The following QPCTL variants were observed in gnomAD, a reference collection of about 807,000 sequenced individuals.
QPCTL encodes glutaminyl-peptide cyclotransferase-like protein.
In QPCTL, 31 loss-of-function variants were observed where a neutral mutation model predicts 34.6. That is an observed-to-expected ratio of 0.90 (90% CI 0.67 to 1.21). The LOEUF is 1.21. QPCTL is among the 50% of genes most tolerant of loss of function. The pLI, the probability that QPCTL is intolerant of heterozygous loss-of-function variation, is 0.00. For synonymous variants in QPCTL, 223 were observed against 226.9 expected, an observed-to-expected ratio of 0.98 and a Z score of 0.15; for missense variants, 474 against 507.8, an observed-to-expected ratio of 0.93 and a Z score of 0.64.
rs140632651 is a variant in QPCTL at position 45,701,907 on chromosome 19, C to T, written c.996C>T (p.Leu332=). Residue 332 remains leucine, a synonymous_variant, in exon 6 of 7, where the codon CTC becomes CTT. Transcript: ENST00000012049. ...TGGAAGACGACCACATCCCCTTCCT[C>T]CGCAGAGGTACCAGCTGCAGGGAGG... ...GSVEDDHIPF[L]RRGVPVLHLI... is the part of the protein sequence containing the mutation. The T allele has an allele frequency of 2.5e-6, 4 of 1,610,216 alleles. No homozygotes were observed. In the African/African-American group the frequency reaches 5.3e-5, roughly 22 times the overall value.
In QPCTL at chr19:45,701,865, G is replaced by A; in HGVS notation, c.954G>A (p.Gly318=). The part of the protein sequence containing the change: ...HPQEVMYFQP[G]EPFGSVEDDH... ...AGGAAGTGATGTACTTCCAACCCGG[G>A]GAGCCCTTTGGCTCTGTGGAAGACG... Residue 318 remains glycine, a synonymous_variant, in exon 6 of 7, where the codon GGG becomes GGA. Coordinates refer to ENST00000012049, the MANE Select transcript of QPCTL (RefSeq NM_017659.4). The A allele has an allele frequency of 6.2e-7, 1 of 1,614,026 alleles. No homozygotes were observed. Among genetic ancestry groups the A allele is most frequent in the Non-Finnish European group, 8.5e-7 (1 of 1,179,966 alleles).
chr19:45,700,735 C>T (rs887947213), intron 5 of QPCTL, among the ~76,000 whole-genome samples: 3 of 151,304 alleles, frequency 2.0e-5, no homozygotes, highest in Non-Finnish European at 2.9e-5. Context: ...CCGAGGTGGG[C>T]GAATCACAAG....
At chr19:45,693,349 G>C in intron 1 of QPCTL, 64 bp from the exon 2 acceptor site, 1 of 1,536,676 alleles carries the variant, frequency 6.5e-7, no homozygotes, top group Non-Finnish European at 8.8e-7. Context: ...ACGGCGCCCG[G>C]GGTAGGGTTG....
At position 45,692,757 on chromosome 19, in the gene QPCTL, C is replaced by T. The variant is rs751330762; in HGVS notation, c.54C>T (p.Leu18=). Residue 18 remains leucine, a synonymous_variant, in exon 1 of 7, where the codon CTC becomes CTT. Coordinates refer to ENST00000012049, the MANE Select transcript of QPCTL (RefSeq NM_017659.4). ...RPRLRLGERG[L]MEPLLPPKRR... is the part of the protein sequence containing the mutation. ...GCCTGCGGCTGGGGGAACGTGGCCTCATGGAGCCACTCTTGCCGCCGAAGC... is the reference window on the plus strand; with the variant it reads ...GCCTGCGGCTGGGGGAACGTGGCCTTATGGAGCCACTCTTGCCGCCGAAGC... 9 of 1,586,496 alleles carry T rather than the reference C, an allele frequency of 5.7e-6. No individual in the cohort carries two copies. The highest frequency in any genetic ancestry group is 1.3e-5 in the African/African-American group (1 of 74,316).
In QPCTL at chr19:45,703,116, C is replaced by T; in HGVS notation, c.*67C>T. ...GGTCCCAGCGGGGGCCAGTGAAGCT[C>T]AGGCAGGATCTGCCTAGGGTGTGCT... On this transcript the variant is annotated 3_prime_UTR_variant, in exon 7 of 7. Transcript: ENST00000012049. 2 of 1,586,642 alleles carry T rather than the reference C, an allele frequency of 1.3e-6. No homozygotes were observed. The highest frequency in any genetic ancestry group is 4.5e-5 in the East Asian group (2 of 44,614).
At chr19:45,700,099 CA>C (rs1156596687) in intron 5 of QPCTL, among the ~76,000 whole-genome samples, 2 of 147,166 alleles carry the variant, frequency 1.4e-5, no homozygotes, top group African/African-American at 2.5e-5. Context: ...GACTCTGTCT[CA>C]AAAAAAAGTA....
At chr19:45,696,201 A>ACT (rs2146126506) in intron 3 of QPCTL, among the ~76,000 whole-genome samples, 1 of 149,424 alleles carries the variant, frequency 6.7e-6, no homozygotes, top group East Asian at 2.0e-4. Flanking sequence ...CCTCTTGCTC[A>ACT]CTCTGCTGTA....
chr19:45,701,529 G>A (rs1967810920), intron 5 of QPCTL, among the ~76,000 whole-genome samples: 1 of 152,122 alleles, frequency 6.6e-6, no homozygotes, highest in African/African-American at 2.4e-5. Context: ...ACCTGCCTTG[G>A]TCTCCCTAAG....
At chr19:45,697,503 CCT>C in intron 3 of QPCTL, among the ~76,000 whole-genome samples, 1 of 152,172 alleles carries the variant, frequency 6.6e-6, no homozygotes, top group Admixed American at 6.5e-5. Context: ...CTGCTTAACC[CCT>C]CTCTGTGCCT....
intron 1 of QPCTL, 136 bp downstream of exon 1, chr19:45,693,046 C>A: frequency 3.1e-6 from 3 of 972,998 alleles, no homozygotes; most frequent in Non-Finnish European, 4.4e-6. Flanking sequence ...ATGACCCTTA[C>A]CAAAGGAATA....
intron 5 of QPCTL, among the ~76,000 whole-genome samples, chr19:45,700,093 C>G (rs1967781308): frequency 6.6e-6 from 1 of 151,396 alleles, no homozygotes; most frequent in South Asian, 2.1e-4. Flanking sequence ...GAGTGAGACT[C>G]TGTCTCAAAA....
rs1967747305 is a variant in QPCTL at position 45,698,574 on chromosome 19, T to C, written c.661T>C (p.Phe221Leu). The change falls in exon 4 of 7, where the codon TTC becomes CTC. Residue 221 changes from phenylalanine to leucine, a missense_variant. Phe to Leu is a conservative substitution (Grantham distance 22, BLOSUM62 0). Transcript: ENST00000012049. ...AGCCCCGGTGACCCTGCAACTGCTC[T>C]TCTTGGATGGTGAAGAGGCGCTGAA... ...QAAPVTLQLL[F>L]LDGEEALKEW... 6.2e-7 allele frequency: 1 copy of C among 1,614,116 alleles called. No individual in the cohort carries two copies. The highest frequency in any genetic ancestry group is 8.5e-7 in the Non-Finnish European group (1 of 1,180,008).
intron 3 of QPCTL, among the ~76,000 whole-genome samples, chr19:45,697,949 A>G (rs1207605183): frequency 6.6e-6 from 1 of 152,196 alleles, no homozygotes; most frequent in African/African-American, 2.4e-5. Flanking sequence ...ACCCTTTGAA[A>G]AGAACTGTTA....
intron 5 of QPCTL, among the ~76,000 whole-genome samples, 177 bp from the exon 6 acceptor site, chr19:45,701,619 CTG>C (rs1179545383): frequency 1.3e-5 from 2 of 152,114 alleles, no homozygotes; most frequent in African/African-American, 4.8e-5. Context: ...GTCTTAGACT[CTG>C]AGGGATTGAA....
chr19:45,702,487 G>C (rs1232861399), intron 6 of QPCTL, among the ~76,000 whole-genome samples: 2 of 151,654 alleles, frequency 1.3e-5, no homozygotes, highest in East Asian at 3.9e-4. Context: ...TGCCAGGCTG[G>C]GCATGGTGGC....
chr19:45,694,699 G>A (rs1010552517), intron 2 of QPCTL, among the ~76,000 whole-genome samples: 1 of 151,880 alleles, frequency 6.6e-6, no homozygotes, highest in Non-Finnish European at 1.5e-5. Context: ...TCAAACTCCT[G>A]ACCTTATGAT....
rs557086089 is a variant in QPCTL at position 45,703,267 on chromosome 19, G to C, written c.*218G>C. 1 of 603,258 alleles carries C rather than the reference G, an allele frequency of 1.7e-6. No individual in the cohort carries two copies. The highest frequency in any genetic ancestry group is 3.0e-5 in the East Asian group (1 of 33,810). 37.4% of individuals were successfully genotyped at this position (603,258 alleles called of 1,614,324 possible). Reference sequence around the variant, plus strand: ...AGACCACTGTGGGATGACAGCCAGAGGAATAAGAACTTGCTCCCTCCCCAG... The same window carrying C: ...AGACCACTGTGGGATGACAGCCAGACGAATAAGAACTTGCTCCCTCCCCAG... On this transcript the variant is annotated 3_prime_UTR_variant, in exon 7 of 7. Transcript: ENST00000012049.
intron 5 of QPCTL, 34 bp downstream of exon 5, chr19:45,698,934 C>T: frequency 6.3e-7 from 1 of 1,586,128 alleles, no homozygotes. Flanking sequence ...CCCCAGCCCA[C>T]CTGGGGTATG....
intron 5 of QPCTL, among the ~76,000 whole-genome samples, chr19:45,699,931 CAAAAAA>C (rs35011463): frequency 3.2e-4 from 29 of 90,104 alleles, no homozygotes; most frequent in Non-Finnish European, 5.8e-4. Context: ...GACTCCATCT[CAAAAAA>C]AAAAAAAAAA....
Sources: allele counts gnomAD v4.1 joint callset (sites outside exome capture counted in the v4.1 genomes callset), GRCh38; gene constraint gnomAD v4.1.1; transcripts MANE v1.5; gene names NCBI Gene and HGNC (gene_info 2026-07-23, HGNC 2026-07-21).